Variants in ZNF721 observed in about 807,000 individuals in gnomAD.
ZNF721 encodes the protein zinc finger protein 721.
ZNF721 carries 2 observed loss-of-function variants against 2.4 expected under a neutral mutation model. The ratio of observed to expected loss-of-function variants is 0.82; its 90% CI spans 0.34 to 2.58. The LOEUF is 2.58. ZNF721 is among the 30% of genes most tolerant of loss of function. ZNF721 has a pLI of 0.11. For synonymous variants in ZNF721, 398 were observed against 381.8 expected, an observed-to-expected ratio of 1.04 and a Z score of -0.50; for missense variants, 1,187 against 1,085.5, an observed-to-expected ratio of 1.09 and a Z score of -1.31.
At chr4:492,237 T>C (rs1370183819) in intron 1 of ZNF721, among the ~76,000 whole-genome samples, 1 of 151,872 alleles carries the variant, frequency 6.6e-6, no homozygotes, top group Non-Finnish European at 1.5e-5. Flanking sequence ...AATCAAACTT[T>C]ATAACTGAAT....
intron 1 of ZNF721, among the ~76,000 whole-genome samples, chr4:491,204 G>C (rs1179206451): frequency 1.3e-5 from 2 of 152,210 alleles, no homozygotes; most frequent in Admixed American, 1.3e-4. Flanking sequence ...AAGGCGGGTA[G>C]ATCACGAGGT....
At chr4:485,831 C>T (rs1383506510) in intron 1 of ZNF721, among the ~76,000 whole-genome samples, 14 of 152,148 alleles carry the variant, frequency 9.2e-5, no homozygotes, top group Non-Finnish European at 1.8e-4. Flanking sequence ...AAAAACTATC[C>T]AGGCGTGCTG....
chr4:469,367 T>C (rs578244560), intron 2 of ZNF721, among the ~76,000 whole-genome samples: 10 of 152,252 alleles, frequency 6.6e-5, no homozygotes, highest in East Asian at 1.9e-4. Flanking sequence ...AAAAAATTTA[T>C]ACATTAAATA....
chr4:478,863 G>A (rs868945382), intron 1 of ZNF721, among the ~76,000 whole-genome samples: 18 of 150,546 alleles, frequency 1.2e-4, no homozygotes, highest in Middle Eastern at 6.8e-3. Flanking sequence ...TCTGCCTCCC[G>A]GGTTCAAGCG....
chr4:453,182 G>A (rs782082969), intron 2 of ZNF721, among the ~76,000 whole-genome samples: 1 of 152,216 alleles, frequency 6.6e-6, no homozygotes, highest in Non-Finnish European at 1.5e-5. Flanking sequence ...TCTGATGAAG[G>A]AAAAGGTGGA....
At position 442,537 on chromosome 4, in the gene ZNF721, C is replaced by T; in HGVS notation, c.1930G>A (p.Glu644Lys). ...GGGGCAAAGGCTTTGCCACACTCTT[C>T]ACATTTGTAAGGTTTCTCCCCAGTG... ...IYTGEKPYKCEECGKAFAPST... is the reference protein window; with the variant it reads ...IYTGEKPYKCKECGKAFAPST... Residue 644 changes from glutamate (E) to lysine (K), a missense_variant, in exon 3 of 3, where the codon GAA becomes AAA. Glu to Lys is a moderately conservative substitution (Grantham distance 56). Coordinates refer to ENST00000511833, the MANE Select transcript of ZNF721 (RefSeq NM_133474.4). The T allele has an allele frequency of 2.5e-6, 4 of 1,613,898 alleles. No individual in the cohort carries two copies. Among genetic ancestry groups the T allele is most frequent in the Non-Finnish European group, 3.4e-6 (4 of 1,179,846 alleles).
chr4:494,223 C>T (rs575793995), intron 1 of ZNF721, among the ~76,000 whole-genome samples: 24 of 151,470 alleles, frequency 1.6e-4, no homozygotes, highest in Admixed American at 3.9e-4. Context: ...GCTCTGTCAC[C>T]CAGGCTGGAG....
At chr4:470,098 G>C (rs984321410) in intron 2 of ZNF721, among the ~76,000 whole-genome samples, 2 of 152,084 alleles carry the variant, frequency 1.3e-5, no homozygotes, top group Non-Finnish European at 2.9e-5. Flanking sequence ...TAGCCAGGAT[G>C]GTCTCCATCT....
chr4:470,651 T>C (rs138359359), intron 2 of ZNF721, among the ~76,000 whole-genome samples: 3,686 of 152,066 alleles, frequency 0.024, 146 homozygotes, highest in African/African-American at 0.083. Context: ...GAGGCAGAGA[T>C]TGCAGTGAGC....
Position 441,664 on chromosome 4 carries a change from G to A in ZNF721, c.*31C>T. On this transcript the variant is annotated 3_prime_UTR_variant, in exon 3 of 3. Coordinates refer to ENST00000511833, the MANE Select transcript of ZNF721 (RefSeq NM_133474.4). ...GAGTTCTCTTATGTTTAAGAATGCT[G>A]TAGTATGACTTAAAGGCTTTGCCAC... 6.5e-7 allele frequency: 1 copy of A among 1,539,992 alleles called. No homozygotes were observed. The highest frequency in any genetic ancestry group is 8.8e-7 in the Non-Finnish European group (1 of 1,134,290).
intron 2 of ZNF721, among the ~76,000 whole-genome samples, chr4:468,612 C>T (rs1553867137): frequency 1.3e-5 from 2 of 152,234 alleles, no homozygotes; most frequent in Admixed American, 6.5e-5. Flanking sequence ...CTGTGACTGT[C>T]TAAATCTCTG....
chr4:465,120 T>C (rs1715203829), intron 2 of ZNF721, among the ~76,000 whole-genome samples: 1 of 146,814 alleles, frequency 6.8e-6, no homozygotes, highest in Admixed American at 6.8e-5. Context: ...TGATGATACA[T>C]GCCTGTAAAC....
chr4:466,539 A>G (rs1715256686), intron 2 of ZNF721, among the ~76,000 whole-genome samples: 2 of 152,220 alleles, frequency 1.3e-5, no homozygotes, highest in Admixed American at 6.5e-5. Flanking sequence ...GTAGTTTTCT[A>G]AATGCTGCAA....
Position 472,571 on chromosome 4 carries a change from T to C in ZNF721, c.34+4A>G. ...TAGGAATTATGCATTAAAGTTATCC[T>C]CACCTAGGGAGACCAGGTTTCTGTA... is the stretch of plus-strand genomic sequence containing the variant. On this transcript the variant is annotated splice_donor_region_variant and intron_variant, in intron 2 of 2. Transcript: ENST00000511833. 1 of 1,598,112 alleles carries C rather than the reference T, an allele frequency of 6.3e-7. No individual in the cohort carries two copies. Among genetic ancestry groups the C allele is most frequent in the South Asian group, 1.1e-5 (1 of 87,900 alleles).
intron 2 of ZNF721, among the ~76,000 whole-genome samples, chr4:459,160 T>A (rs902168683): frequency 1.3e-5 from 2 of 151,876 alleles, no homozygotes; most frequent in African/African-American, 4.8e-5. Flanking sequence ...GATGGACATA[T>A]GAAAAAGAAA....
At chr4:495,191 T>C (rs1426496317) in intron 1 of ZNF721, among the ~76,000 whole-genome samples, 1 of 152,028 alleles carries the variant, frequency 6.6e-6, no homozygotes, top group Admixed American at 6.6e-5. Flanking sequence ...CTAAATTTTT[T>C]TTTAACAAAG....
intron 1 of ZNF721, among the ~76,000 whole-genome samples, chr4:475,409 A>G (rs1294779724): frequency 6.6e-6 from 1 of 152,018 alleles, no homozygotes; most frequent in Admixed American, 6.6e-5. Flanking sequence ...TTAAACCTCA[A>G]AGTCATAATC....
intron 2 of ZNF721, among the ~76,000 whole-genome samples, chr4:459,688 G>A (rs1056182795): frequency 2.6e-5 from 4 of 151,964 alleles, no homozygotes; most frequent in Non-Finnish European, 4.4e-5. Flanking sequence ...AAAATTAGCC[G>A]GGCGTGGTGG....
At chr4:484,319 T>C (rs1423843427) in intron 1 of ZNF721, among the ~76,000 whole-genome samples, 3 of 152,234 alleles carry the variant, frequency 2.0e-5, no homozygotes, top group Admixed American at 6.5e-5. Flanking sequence ...TTGCATTAAC[T>C]GCACAAATTG....
Sources: allele counts gnomAD v4.1 joint callset (sites outside exome capture counted in the v4.1 genomes callset), GRCh38; gene constraint gnomAD v4.1.1; transcripts MANE v1.5; gene names NCBI Gene and HGNC (gene_info 2026-07-23, HGNC 2026-07-21).